PSEN1: variants seen among roughly 807,000 people sequenced by gnomAD.
The protein encoded by PSEN1 is presenilin-1.
In PSEN1, 15 loss-of-function variants were observed where a neutral mutation model predicts 53.5. The ratio of observed to expected loss-of-function variants is 0.28; its 90% confidence interval spans 0.19 to 0.43. The LOEUF is 0.43. Ranked by LOEUF, PSEN1 falls within the 20% of genes least tolerant of loss-of-function variation. PSEN1 has a pLI of 1.00. For missense variants in PSEN1, 387 were observed against 571.2 expected (o/e 0.68, Z 3.29); for synonymous variants, 208 against 209.8 (o/e 0.99, Z 0.08).
chr14:73,210,878 T>C (rs189083686), intron 9 of PSEN1, among the ~76,000 whole-genome samples: 1 of 152,306 alleles, frequency 6.6e-6, no homozygotes, highest in East Asian at 1.9e-4. Flanking sequence ...TTCACTTATA[T>C]ATTTTAATTA....
chr14:73,156,542 G>A (rs1897360145), intron 3 of PSEN1, among the ~76,000 whole-genome samples: 1 of 152,054 alleles, frequency 6.6e-6, no homozygotes, highest in African/African-American at 2.4e-5. Context: ...AAAGTGAGCG[G>A]GGGAGTAGAT....
intron 1 of PSEN1, among the ~76,000 whole-genome samples, chr14:73,142,557 T>C (rs1200794631): frequency 6.6e-6 from 1 of 152,134 alleles, no homozygotes; most frequent in Non-Finnish European, 1.5e-5. Context: ...GAGTTTGAGG[T>C]TTTGTTGTTA....
chr14:73,205,747 C>A (rs1594750037), intron 8 of PSEN1, among the ~76,000 whole-genome samples: 1 of 152,096 alleles, frequency 6.6e-6, no homozygotes, highest in Non-Finnish European at 1.5e-5. Context: ...GAGAGAAGCA[C>A]CATTTTAAAG....
intron 1 of PSEN1, among the ~76,000 whole-genome samples, chr14:73,138,829 T>C (rs1221843875): frequency 1.7e-4 from 24 of 143,302 alleles, no homozygotes; most frequent in Admixed American, 3.5e-4. Context: ...TAGCCGGGCG[T>C]GATGGCGGGC....
intron 5 of PSEN1, among the ~76,000 whole-genome samples, chr14:73,183,585 C>A (rs1898298503): frequency 6.6e-6 from 1 of 152,172 alleles, no homozygotes; most frequent in Admixed American, 6.5e-5. Flanking sequence ...GTGGACACAG[C>A]ACATGTTTCA....
chr14:73,140,817 T>C (rs902937550), intron 1 of PSEN1, among the ~76,000 whole-genome samples: 2 of 152,202 alleles, frequency 1.3e-5, no homozygotes, highest in Admixed American at 6.5e-5. Context: ...TAACCATTAT[T>C]TAAAAACAAG....
intron 1 of PSEN1, chr14:73,145,958 T>C (rs1348150549): frequency 6.6e-6 from 1 of 151,756 alleles, no homozygotes; most frequent in African/African-American, 2.4e-5. Context: ...AATACAAAAA[T>C]TAGCTGGACA....
chr14:73,181,310 C>T (rs545244095), intron 5 of PSEN1, among the ~76,000 whole-genome samples: 18 of 152,266 alleles, frequency 1.2e-4, no homozygotes, highest in Admixed American at 9.8e-4. Context: ...GGCGTGGTGG[C>T]GAGTGCCTGT....
intron 10 of PSEN1, among the ~76,000 whole-genome samples, chr14:73,215,748 T>C (rs928650010): frequency 6.6e-6 from 1 of 152,116 alleles, no homozygotes; most frequent in Non-Finnish European, 1.5e-5. Context: ...CATGAAAAGA[T>C]GCTCAACATC....
At chr14:73,145,531 G>C (rs1414379133) in intron 1 of PSEN1, among the ~76,000 whole-genome samples, 2 of 150,658 alleles carry the variant, frequency 1.3e-5, no homozygotes, top group Non-Finnish European at 1.5e-5. Context: ...TAGAAACAGG[G>C]TTTCACCATG....
chr14:73,147,916 A>T, intron 2 of PSEN1, 40 bp downstream of exon 2: 1 of 860,752 alleles, frequency 1.2e-6, no homozygotes, highest in Admixed American at 2.0e-5. Flanking sequence ...AGTGTTTTTT[A>T]TAACAGTATA....
At chr14:73,206,531 A>C (rs747050462) in intron 9 of PSEN1, 59 bp downstream of exon 9, 22 of 1,161,428 alleles carry the variant, frequency 1.9e-5, no homozygotes, top group Non-Finnish European at 2.8e-5. Context: ...ATAAGCTAAC[A>C]GTATAGCAAT....
intron 1 of PSEN1, among the ~76,000 whole-genome samples, chr14:73,142,618 C>G (rs955302306): frequency 5.3e-5 from 8 of 152,142 alleles, no homozygotes; most frequent in Non-Finnish European, 1.2e-4. Flanking sequence ...TCTGTTGGTA[C>G]TTTCTTGAAT....
chr14:73,164,033 A>G (rs999032293), intron 3 of PSEN1, among the ~76,000 whole-genome samples: 36 of 152,372 alleles, frequency 2.4e-4, no homozygotes, highest in African/African-American at 8.4e-4. Flanking sequence ...CAAATGATAG[A>G]TAATAGTGGT....
intron 3 of PSEN1, among the ~76,000 whole-genome samples, chr14:73,163,462 A>C (rs977196686): frequency 2.6e-5 from 4 of 152,232 alleles, no homozygotes; most frequent in African/African-American, 9.6e-5. Context: ...GTCATTCATT[A>C]ATTAACTCAA....
chr14:73,165,914 G>A (rs1008985808), intron 3 of PSEN1, among the ~76,000 whole-genome samples: 15 of 151,924 alleles, frequency 9.9e-5, no homozygotes, highest in Admixed American at 4.6e-4. Flanking sequence ...ACATTAAGCC[G>A]GCGCAGTGGT....
intron 5 of PSEN1, among the ~76,000 whole-genome samples, chr14:73,178,964 G>C (rs148356871): frequency 6.6e-6 from 1 of 152,068 alleles, no homozygotes; most frequent in Non-Finnish European, 1.5e-5. Flanking sequence ...TGTCAGGGTC[G>C]GTGTGTACTG....
chr14:73,206,344 T>C (rs753402219), intron 8 of PSEN1, 42 bp from the exon 9 acceptor site: 2 of 1,413,836 alleles, frequency 1.4e-6, no homozygotes, highest in Non-Finnish European at 1.0e-6. Flanking sequence ...ATGCATACTT[T>C]GTGTGTCCAG....
chr14:73,193,991 A>G (rs1261594293), intron 7 of PSEN1, among the ~76,000 whole-genome samples: 1 of 152,174 alleles, frequency 6.6e-6, no homozygotes, highest in Non-Finnish European at 1.5e-5. Flanking sequence ...TAGGTTACCT[A>G]CTTTTTATAA....
Sources: allele counts gnomAD v4.1 joint callset (sites outside exome capture counted in the v4.1 genomes callset), GRCh38; gene constraint gnomAD v4.1.1; transcripts MANE v1.5; gene names NCBI Gene and HGNC (gene_info 2026-07-23, HGNC 2026-07-21).